The following ABCB11 variants were observed in gnomAD, a reference collection of about 807,000 sequenced individuals.
The protein encoded by ABCB11 is ATP binding cassette subfamily B member 11.
ABCB11 carries 95 observed loss-of-function variants against 148.0 expected under a neutral mutation model. The observed-to-expected ratio is 0.64, with a 90% confidence interval of 0.54 to 0.76. The LOEUF is 0.76. Ranked by LOEUF, ABCB11 falls within the 30% of genes least tolerant of loss-of-function variation. ABCB11 has a pLI of 0.00. For synonymous variants in ABCB11, 591 were observed against 555.4 expected, an observed-to-expected ratio of 1.06 and a Z score of -0.90; for missense variants, 1,523 against 1,617.8, an observed-to-expected ratio of 0.94 and a Z score of 1.01.
intron 1 of ABCB11, among the ~76,000 whole-genome samples, chr2:169,025,575 T>C (rs926690849): frequency 2.0e-5 from 3 of 152,232 alleles, no homozygotes; most frequent in African/African-American, 7.2e-5. Context: ...GGAATACTAA[T>C]CCACTAACCT....
chr2:168,926,385 A>C (rs192308256), intron 26 of ABCB11, among the ~76,000 whole-genome samples: 6 of 152,294 alleles, frequency 3.9e-5, no homozygotes, highest in Admixed American at 3.9e-4. Flanking sequence ...GTGGCTATTA[A>C]GTGTGTTTTC....
rs879227659 is a variant in ABCB11 at position 168,976,602 on chromosome 2, T to C, written c.1283A>G (p.His428Arg). ...GEIEFHNVTF[H>R]YPSRPEVKIL... ...CTTCACCTCTGGTCTGGAAGGATAATGGAAGGTCACATTATGGAATTCAAT... is the reference window on the plus strand; with the variant it reads ...CTTCACCTCTGGTCTGGAAGGATAACGGAAGGTCACATTATGGAATTCAAT... Residue 428 changes from histidine (H) to arginine (R), a missense_variant, in exon 12 of 28, where the codon CAT becomes CGT. By Grantham distance (29) the His-to-Arg change is conservative (BLOSUM62 0). Transcript: ENST00000650372. 1 of 1,606,644 alleles carries C rather than the reference T, an allele frequency of 6.2e-7. No homozygotes were observed. The highest frequency in any genetic ancestry group is 8.5e-7 in the Non-Finnish European group (1 of 1,174,310).
At chr2:168,962,602 T>C (rs1415326408) in intron 18 of ABCB11, among the ~76,000 whole-genome samples, 1 of 151,714 alleles carries the variant, frequency 6.6e-6, no homozygotes, top group Non-Finnish European at 1.5e-5. Flanking sequence ...TATTGTCAAA[T>C]ATCTACCCAG....
intron 19 of ABCB11, among the ~76,000 whole-genome samples, chr2:168,950,520 T>A (rs973298783): frequency 6.6e-6 from 1 of 151,822 alleles, no homozygotes; most frequent in Non-Finnish European, 1.5e-5. Context: ...TTAATTTACA[T>A]GTCTATGATG....
At chr2:168,919,184 A>G (rs1317076054), downstream of ABCB11, among the ~76,000 whole-genome samples, 2 of 92,740 alleles carry the variant, frequency 2.2e-5, no homozygotes, top group Non-Finnish European at 4.3e-5. Context: ...ATTCTGCTTT[A>G]GATCAGTATT....
intron 27 of ABCB11, among the ~76,000 whole-genome samples, chr2:168,924,058 T>A (rs1357021817): frequency 1.3e-5 from 2 of 152,120 alleles, no homozygotes; most frequent in Admixed American, 1.3e-4. Flanking sequence ...AACTATGAAG[T>A]CCCTACATAA....
chr2:168,988,575 G>A (rs12477616), intron 9 of ABCB11, among the ~76,000 whole-genome samples: 152,240 of 152,258 alleles, frequency 1, 76,111 homozygotes, highest in East Asian at 1. Context: ...TGCAGTGAAT[G>A]TAAGAGTACA....
At chr2:168,958,640 C>CA (rs754827187) in intron 18 of ABCB11, among the ~76,000 whole-genome samples, 1 of 151,686 alleles carries the variant, frequency 6.6e-6, no homozygotes, top group East Asian at 1.9e-4. Context: ...GAGATGTTTT[C>CA]AGTAAGGTTT....
chr2:168,976,248 G>C (rs537437649), intron 12 of ABCB11, among the ~76,000 whole-genome samples: 1 of 152,182 alleles, frequency 6.6e-6, no homozygotes, highest in East Asian at 1.9e-4. Context: ...CTTCCTGATT[G>C]TTGTAATTGC....
chr2:168,984,781 C>T (rs1029880424), intron 10 of ABCB11, among the ~76,000 whole-genome samples: 20 of 152,008 alleles, frequency 1.3e-4, no homozygotes, highest in South Asian at 2.1e-4. Context: ...TGTTTAGCAT[C>T]CCTTTACTAT....
At chr2:168,961,611 C>T (rs527970553) in intron 18 of ABCB11, among the ~76,000 whole-genome samples, 1 of 151,800 alleles carries the variant, frequency 6.6e-6, no homozygotes, top group Non-Finnish European at 1.5e-5. Flanking sequence ...AAACCTTTAG[C>T]CTGTGGGTTT....
intron 25 of ABCB11, among the ~76,000 whole-genome samples, chr2:168,928,510 TGTA>T (rs1452732941): frequency 6.6e-6 from 1 of 152,208 alleles, no homozygotes; most frequent in East Asian, 1.9e-4. Context: ...TTAAAATGTT[TGTA>T]GAAATGTTTT....
In ABCB11 at chr2:169,031,293, C is replaced by G. The variant is rs1425340691; in HGVS notation, c.-96G>C. On this transcript the variant is annotated 5_prime_UTR_variant, in exon 1 of 28. Coordinates refer to ENST00000650372, the MANE Select transcript of ABCB11 (RefSeq NM_003742.4). The stretch of plus-strand genomic sequence containing the variant: ...CACTGTGGAGAGTTAAAAGGTTTCA[C>G]AACCTTTTCCAACCTCGGTTTTCAT... 6.6e-6 allele frequency: 1 copy of G among 152,188 alleles called. No individual in the cohort carries two copies. The highest frequency in any genetic ancestry group is 1.5e-5 in the Non-Finnish European group (1 of 68,038). 9.4% of individuals were successfully genotyped at this position (152,188 alleles called of 1,614,324 possible).
intron 1 of ABCB11, among the ~76,000 whole-genome samples, chr2:169,028,460 G>T (rs954977290): frequency 2.0e-5 from 3 of 152,084 alleles, no homozygotes; most frequent in Non-Finnish European, 4.4e-5. Context: ...CATGGGAAGA[G>T]GAGAGGGAAG....
chr2:168,973,880 G>A (rs761516215), intron 12 of ABCB11, 40 bp from the exon 13 acceptor site: 2 of 1,603,006 alleles, frequency 1.2e-6, no homozygotes, highest in Non-Finnish European at 1.7e-6. Context: ...GATTGTCACT[G>A]TTTACCAAAT....
At chr2:168,995,302 A>G (rs1464474690) in intron 7 of ABCB11, 47 bp downstream of exon 7, 3 of 1,558,850 alleles carry the variant, frequency 1.9e-6, no homozygotes, top group Non-Finnish European at 2.6e-6. Context: ...CAAGGGTTTT[A>G]TTATCCAAAA....
chr2:169,010,471 A>T (rs1695148228), intron 5 of ABCB11, among the ~76,000 whole-genome samples: 1 of 152,184 alleles, frequency 6.6e-6, no homozygotes, highest in Non-Finnish European at 1.5e-5. Flanking sequence ...AAACCAATAT[A>T]ATAAAATAGT....
intron 19 of ABCB11, among the ~76,000 whole-genome samples, chr2:168,947,892 C>T (rs569693478): frequency 7.9e-5 from 12 of 151,772 alleles, no homozygotes; most frequent in African/African-American, 2.7e-4. Context: ...ATTGTCACCA[C>T]CAATGACCAA....
intron 11 of ABCB11, among the ~76,000 whole-genome samples, chr2:168,978,787 T>C (rs911196344): frequency 3.3e-5 from 5 of 152,122 alleles, no homozygotes; most frequent in Middle Eastern, 3.2e-3. Flanking sequence ...GGCGCAATCA[T>C]GGCTCACTGC....
Sources: gnomAD v4.1 joint callset for allele counts (sites outside exome capture counted in the v4.1 genomes callset) on GRCh38, gnomAD v4.1.1 for gene constraint, MANE v1.5 for transcripts, NCBI Gene and HGNC (gene_info 2026-07-23, HGNC 2026-07-21) for gene names.